The following HACE1 variants were observed in gnomAD, a reference collection of about 807,000 sequenced individuals.
HACE1 encodes the protein E3 ubiquitin-protein ligase HACE1.
HACE1 carries 73 observed loss-of-function variants against 118.4 expected under a neutral mutation model. That is an observed-to-expected ratio of 0.62 (90% CI 0.51 to 0.75). HACE1 has a LOEUF of 0.75. Ranked by LOEUF, HACE1 falls within the 30% of genes least tolerant of loss-of-function variation. HACE1 has a pLI of 0.00. For synonymous variants in HACE1, 368 were observed against 374.8 expected (o/e 0.98, Z 0.21); for missense variants, 749 against 1,102.2 (o/e 0.68, Z 4.54).
rs550612227 is a variant in HACE1 at position 104,795,418 on chromosome 6, G to C, written c.923+161C>G. 3.3e-5 allele frequency among the ~76,000 whole-genome samples: 5 copies of C among 152,178 alleles called. No homozygotes were observed. The South Asian group carries it at 8.3e-4, about 25-fold the overall frequency. ...AGAGACTAAAATCTCTTTAGCAATA[G>C]TTGATTACCCTGGTCCTTTCAAACA... is the stretch of plus-strand genomic sequence containing the variant. On this transcript the variant is annotated intron_variant, in intron 10 of 23. Coordinates refer to ENST00000262903, the MANE Select transcript of HACE1 (RefSeq NM_020771.4).
intron 7 of HACE1, among the ~76,000 whole-genome samples, chr6:104,798,070 A>G (rs1472922458): frequency 3.4e-5 from 1 of 29,386 alleles, no homozygotes; most frequent in Admixed American, 3.5e-4. Context: ...CCCCGTCTCG[A>G]AAAAAAAAAA....
chr6:104,857,017 G>A (rs919178761), intron 1 of HACE1, among the ~76,000 whole-genome samples: 1 of 151,822 alleles, frequency 6.6e-6, no homozygotes, highest in African/African-American at 2.4e-5. Context: ...GTAATTAGAT[G>A]CTTATTGATT....
rs1283665582 is a variant in HACE1, at chr6:104,815,482, C to T, written c.535-4089G>A. Among the ~76,000 whole-genome samples, 2 of 136,504 alleles carry T rather than the reference C, an allele frequency of 1.5e-5. 1 individual carries two copies. The highest frequency in any genetic ancestry group is 4.4e-4 in the East Asian group (2 of 4,502). The allele number at this position is 136,504 out of a possible 152,430, so 89.6% of individuals were successfully genotyped here. The stretch of plus-strand genomic sequence containing the variant: ...TCCCAGGTTCCAGTGATTCTCCCGC[C>T]TCCCAGGTAGCTGGGATTATAGGCG... On this transcript the variant is annotated intron_variant, in intron 6 of 23. Coordinates refer to ENST00000262903, the MANE Select transcript of HACE1 (RefSeq NM_020771.4).
chr6:104,755,031 C>T (rs1384293148), intron 19 of HACE1, among the ~76,000 whole-genome samples: 1 of 152,064 alleles, frequency 6.6e-6, no homozygotes, highest in Non-Finnish European at 1.5e-5. Flanking sequence ...GTATGCTGTC[C>T]TCAAGAGACC....
chr6:104,775,688 A>T (rs1377051451), intron 17 of HACE1, among the ~76,000 whole-genome samples: 1 of 152,224 alleles, frequency 6.6e-6, no homozygotes, highest in African/African-American at 2.4e-5. Context: ...GAGTTAAAGC[A>T]GGCAGTTCCA....
intron 6 of HACE1, among the ~76,000 whole-genome samples, chr6:104,820,634 A>G (rs1313038901): frequency 2.0e-5 from 3 of 152,206 alleles, no homozygotes; most frequent in Non-Finnish European, 4.4e-5. Flanking sequence ...CAAAACCACA[A>G]TGAGATACCA....
chr6:104,839,289 G>T (rs984137205), intron 5 of HACE1, among the ~76,000 whole-genome samples: 4 of 152,126 alleles, frequency 2.6e-5, no homozygotes, highest in Admixed American at 2.6e-4. Flanking sequence ...TTTAACAGGT[G>T]AACAGTCCAA....
intron 7 of HACE1, among the ~76,000 whole-genome samples, chr6:104,805,373 T>C (rs559349863): frequency 3.9e-5 from 6 of 152,194 alleles, no homozygotes; most frequent in Non-Finnish European, 7.3e-5. Flanking sequence ...CAATGGATTA[T>C]AAATCATGCT....
At position 104,729,734 on chromosome 6, in the gene HACE1, T is replaced by C. The variant is rs779183005; in HGVS notation, c.2658A>G (p.Pro886=). The part of the protein sequence containing the change: ...CINMLKLPEY[P]SKEILKDRLL... Reference sequence around the variant, plus strand: ...GTCTGTCCTTGAGTATTTCTTTACTTGGGTATTCAGGTAACTTGAGCATGT... The same window carrying C: ...GTCTGTCCTTGAGTATTTCTTTACTCGGGTATTCAGGTAACTTGAGCATGT... The change falls in exon 24 of 24, where the codon CCA becomes CCG. Residue 886 remains proline, a synonymous_variant. Coordinates refer to ENST00000262903, the MANE Select transcript of HACE1 (RefSeq NM_020771.4). The C allele has an allele frequency of 6.4e-7, 1 of 1,564,308 alleles. No homozygotes were observed. Among genetic ancestry groups the C allele is most frequent in the Non-Finnish European group, 8.8e-7 (1 of 1,135,116 alleles).
intron 2 of HACE1, among the ~76,000 whole-genome samples, chr6:104,851,866 T>C (rs1034556868): frequency 6.6e-6 from 1 of 152,140 alleles, no homozygotes; most frequent in African/African-American, 2.4e-5. Context: ...AGCCAAATAA[T>C]TGTATTTCAT....
intron 14 of HACE1, among the ~76,000 whole-genome samples, chr6:104,780,141 T>C (rs1781576761): frequency 6.6e-6 from 1 of 152,116 alleles, no homozygotes; most frequent in African/African-American, 2.4e-5. Context: ...AAAAGAAAAC[T>C]TACTGCCCAT....
chr6:104,849,126 A>C lies in HACE1; in HGVS notation c.326+16T>G, dbSNP rs1426484219. 2 of 1,407,358 alleles carry C rather than the reference A, an allele frequency of 1.4e-6. No individual in the cohort carries two copies. The highest frequency in any genetic ancestry group is 2.0e-6 in the Non-Finnish European group (2 of 991,376). The allele number at this position is 1,407,358 out of a possible 1,614,324, so 87.2% of individuals were successfully genotyped here. On this transcript the variant is annotated intron_variant, in intron 4 of 23. Transcript: ENST00000262903. ...GATAATACAACTTAAGCCACTTAAG[A>C]AAACTAAATAGTTACCCATTTCTTG... is the stretch of plus-strand genomic sequence containing the variant.
rs904526282 is a variant in HACE1 at position 104,852,340 on chromosome 6, T to C, written c.108A>G (p.Pro36=). 1.9e-6 allele frequency: 3 copies of C among 1,609,610 alleles called. No individual in the cohort carries two copies. The African/African-American group carries it at 4.0e-5, about 22-fold the overall frequency. The change falls in exon 2 of 24, where the codon CCA becomes CCG. Residue 36 remains proline, a synonymous_variant. Coordinates refer to ENST00000262903, the MANE Select transcript of HACE1 (RefSeq NM_020771.4). ...DNETAVYTLM[P]MVMADQHRSV... ...ACCTGTGTTGATCAGCCATAACCAT[T>C]GGCATTAATGTATAAACAGCAGTTT...
At position 104,813,503 on chromosome 6, in the gene HACE1, A is replaced by T. The variant is rs193191036; in HGVS notation, c.535-2110T>A. Among the ~76,000 whole-genome samples, 159 of 138,608 alleles carry T rather than the reference A, an allele frequency of 1.1e-3. 34 individuals are homozygous for T. Among genetic ancestry groups the T allele is most frequent in the African/African-American group, 4.5e-3 (158 of 34,818 alleles). The allele number at this position is 138,608 out of a possible 152,430, so 90.9% of individuals were successfully genotyped here. On this transcript the variant is annotated intron_variant, in intron 6 of 23. Coordinates refer to ENST00000262903, the MANE Select transcript of HACE1 (RefSeq NM_020771.4). ...AATTTTCCCCTGGGAACATGAGGCA[A>T]CTTTTTTATTTTCATGACCAGGGAA...
rs180721831 is a variant in HACE1 at position 104,804,005 on chromosome 6, C to T, written c.618-6980G>A. The stretch of plus-strand genomic sequence containing the variant: ...AAAATCTCCTTAAGCTGATAAGCAA[C>T]TTCAGCAAAGTCTCAGGATACAAAA... On this transcript the variant is annotated intron_variant, in intron 7 of 23. Transcript: ENST00000262903. Among the ~76,000 whole-genome samples, 968 of 152,280 alleles carry T rather than the reference C, an allele frequency of 6.4e-3. 8 individuals carry two copies. The highest frequency in any genetic ancestry group is 0.023 in the African/African-American group (940 of 41,552).
chr6:104,763,909 G>T (rs1210273982), intron 19 of HACE1, among the ~76,000 whole-genome samples: 1 of 152,068 alleles, frequency 6.6e-6, no homozygotes, highest in Non-Finnish European at 1.5e-5. Context: ...AATTAGCCAG[G>T]TGTGGTGGTA....
chr6:104,785,411 A>T (rs1311259148), intron 11 of HACE1, 92 bp from the exon 12 acceptor site: 1 of 760,904 alleles, frequency 1.3e-6, no homozygotes, highest in East Asian at 2.6e-5. Flanking sequence ...ATATTATAGA[A>T]GAGAAAATTT....
Position 104,749,855 on chromosome 6 carries a change from G to A in HACE1, c.2343+486C>T, listed in dbSNP as rs558128153. ...TTAGGGACTAGAGGATGGCAAAGAC[G>A]ATGGACTCCATAGGTTTGAAATAAA... On this transcript the variant is annotated intron_variant, in intron 20 of 23. Transcript: ENST00000262903. Among the ~76,000 whole-genome samples the A allele has an allele frequency of 2.6e-5, 4 of 152,040 alleles. No individual in the cohort carries two copies. In the South Asian group the frequency reaches 6.2e-4, roughly 24 times the overall value.
intron 6 of HACE1, among the ~76,000 whole-genome samples, chr6:104,828,460 A>G (rs1000360583): frequency 4.0e-4 from 61 of 152,162 alleles, no homozygotes; most frequent in African/African-American, 1.4e-3. Context: ...ATTTTTTGAA[A>G]TCAGTATCCA....
Sources: allele counts gnomAD v4.1 joint callset (sites outside exome capture counted in the v4.1 genomes callset), GRCh38; gene constraint gnomAD v4.1.1; transcripts MANE v1.5; gene names NCBI Gene and HGNC (gene_info 2026-07-23, HGNC 2026-07-21).